Variants in INPP4B observed in about 807,000 individuals in gnomAD.
INPP4B encodes the protein inositol polyphosphate-4-phosphatase type II B.
INPP4B carries 55 observed loss-of-function variants against 122.5 expected under a neutral mutation model. That is an observed-to-expected ratio of 0.45 (90% confidence interval 0.36 to 0.56). INPP4B has a LOEUF of 0.56. Among genes scored for constraint, INPP4B ranks in the 20% least tolerant of loss-of-function variants. The pLI is 0.00. For missense variants in INPP4B, 1,000 were observed against 1,097.7 expected, an observed-to-expected ratio of 0.91 and a Z score of 1.26; for synonymous variants, 403 against 388.7, an observed-to-expected ratio of 1.04 and a Z score of -0.43.
chr4:142,209,127 C>A (rs1843776591), intron 12 of INPP4B, 101 bp from the exon 13 acceptor site: 2 of 808,184 alleles, frequency 2.5e-6, no homozygotes, highest in East Asian at 2.8e-5. Flanking sequence ...ATTATTTCAT[C>A]CTAATTCCCA....
intron 17 of INPP4B, among the ~76,000 whole-genome samples, chr4:142,147,527 C>A (rs1180169915): frequency 6.6e-6 from 1 of 152,090 alleles, no homozygotes; most frequent in Non-Finnish European, 1.5e-5. Context: ...CTGGGGAAGC[C>A]CAGTTGTCTC....
At chr4:142,758,337 G>T (rs1561036742) in intron 1 of INPP4B, among the ~76,000 whole-genome samples, 1 of 152,060 alleles carries the variant, frequency 6.6e-6, no homozygotes, top group Admixed American at 6.5e-5. Context: ...TGAAATAAAA[G>T]AATTAGGGAA....
At chr4:142,777,771 A>G (rs1774161063) in intron 1 of INPP4B, among the ~76,000 whole-genome samples, 1 of 152,154 alleles carries the variant, frequency 6.6e-6, no homozygotes, top group African/African-American at 2.4e-5. Context: ...TCCAGAACAC[A>G]AAGTTCTGGC....
chr4:142,379,550 A>T (rs571133359), intron 7 of INPP4B, among the ~76,000 whole-genome samples: 2 of 152,286 alleles, frequency 1.3e-5, no homozygotes, highest in East Asian at 3.9e-4. Context: ...CCTAGTTGCA[A>T]TTATCATTCC....
intron 2 of INPP4B, among the ~76,000 whole-genome samples, chr4:142,476,774 C>T (rs1209903345): frequency 6.6e-6 from 1 of 152,152 alleles, no homozygotes; most frequent in Non-Finnish European, 1.5e-5. Context: ...AATGTATACA[C>T]ACCCAATGCA....
At chr4:142,537,427 TATAGAGAGAGAGAGAGAG>T (rs1474941188) in intron 2 of INPP4B, among the ~76,000 whole-genome samples, 6 of 33,870 alleles carry the variant, frequency 1.8e-4, no homozygotes, top group African/African-American at 4.6e-4. Context: ...TATATATATA[TATAGAGAGAGAGAGAGAG>T]AGAGAGAGAG....
intron 7 of INPP4B, among the ~76,000 whole-genome samples, chr4:142,386,117 A>G (rs1159236412): frequency 6.6e-6 from 1 of 152,108 alleles, no homozygotes; most frequent in Non-Finnish European, 1.5e-5. Flanking sequence ...TTCTGCGTGT[A>G]AGTGAGACCA....
At chr4:142,317,176 A>G (rs1292785403) in intron 7 of INPP4B, 1 of 173,382 alleles carries the variant, frequency 5.8e-6, no homozygotes, top group African/African-American at 2.4e-5. Flanking sequence ...TGTAACAAGC[A>G]TCTGTCATAG....
chr4:142,453,070 C>T (rs559964513), intron 3 of INPP4B, among the ~76,000 whole-genome samples: 10 of 152,214 alleles, frequency 6.6e-5, no homozygotes, highest in African/African-American at 2.4e-4. Context: ...TTTCTTCAAA[C>T]AAACTGAAAA....
chr4:142,113,388 G>T (rs1201864151), intron 21 of INPP4B, among the ~76,000 whole-genome samples: 3 of 151,960 alleles, frequency 2.0e-5, no homozygotes, highest in Non-Finnish European at 4.4e-5. Flanking sequence ...AATTTAGAAA[G>T]CTTTGCCCAG....
chr4:142,405,670 G>A (rs1803169905), intron 5 of INPP4B, among the ~76,000 whole-genome samples: 1 of 152,130 alleles, frequency 6.6e-6, no homozygotes, highest in Admixed American at 6.5e-5. Flanking sequence ...ACTCCTTGAG[G>A]ATGTGAAAGT....
chr4:142,590,058 A>C (rs1737093275), intron 2 of INPP4B, among the ~76,000 whole-genome samples: 1 of 152,160 alleles, frequency 6.6e-6, no homozygotes, highest in African/African-American at 2.4e-5. Context: ...AAAAAAGACA[A>C]AACAATAAAT....
chr4:142,621,198 T>C (rs1477632939), intron 2 of INPP4B, among the ~76,000 whole-genome samples: 2 of 152,026 alleles, frequency 1.3e-5, no homozygotes, highest in East Asian at 3.9e-4. Flanking sequence ...AATATAAACA[T>C]AAAATAAAGA....
chr4:142,774,665 A>G (rs1055296749), intron 1 of INPP4B, among the ~76,000 whole-genome samples: 17 of 152,024 alleles, frequency 1.1e-4, no homozygotes, highest in African/African-American at 4.1e-4. Flanking sequence ...ACAAGTTACC[A>G]GAGTTATTTA....
intron 3 of INPP4B, among the ~76,000 whole-genome samples, chr4:142,435,114 C>T (rs1426094191): frequency 6.6e-6 from 1 of 152,062 alleles, no homozygotes; most frequent in Non-Finnish European, 1.5e-5. Context: ...TTCCATTTGT[C>T]CCATGCCACA....
intron 3 of INPP4B, among the ~76,000 whole-genome samples, 166 bp from the exon 4 acceptor site, chr4:142,431,551 G>T (rs1268457903): frequency 6.6e-6 from 1 of 152,020 alleles, no homozygotes; most frequent in East Asian, 1.9e-4. Flanking sequence ...ATAAAGTCTA[G>T]GTTTAATAGG....
chr4:142,279,862 G>A (rs570701784), intron 9 of INPP4B, among the ~76,000 whole-genome samples: 1 of 151,970 alleles, frequency 6.6e-6, no homozygotes, highest in South Asian at 2.1e-4. Flanking sequence ...CAAAGAACTT[G>A]TATCCAAAGT....
At chr4:142,790,446 C>T (rs1328628715) in intron 1 of INPP4B, among the ~76,000 whole-genome samples, 11 of 151,778 alleles carry the variant, frequency 7.2e-5, no homozygotes, top group Admixed American at 3.9e-4. Flanking sequence ...TACAAATGGC[C>T]AACAAACATA....
chr4:142,431,547 T>G (rs781005403), intron 3 of INPP4B, among the ~76,000 whole-genome samples, 162 bp from the exon 4 acceptor site: 2 of 152,084 alleles, frequency 1.3e-5, no homozygotes, highest in African/African-American at 4.8e-5. Flanking sequence ...CATCATAAAG[T>G]CTAGGTTTAA....
Sources: gnomAD v4.1 joint callset for allele counts (sites outside exome capture counted in the v4.1 genomes callset) on GRCh38, gnomAD v4.1.1 for gene constraint, MANE v1.5 for transcripts, NCBI Gene and HGNC (gene_info 2026-07-23, HGNC 2026-07-21) for gene names.